EYA2: variants seen among roughly 807,000 people sequenced by gnomAD.
The protein encoded by EYA2 is protein phosphatase EYA2.
EYA2 carries 31 observed loss-of-function variants against 69.2 expected under a neutral mutation model. The observed-to-expected ratio is 0.45, with a 90% CI of 0.34 to 0.60. The LOEUF (loss-of-function observed/expected upper bound fraction) is 0.60, where lower values mean the gene tolerates loss of function less well. Ranked by LOEUF, EYA2 falls within the 20% of genes least tolerant of loss-of-function variation. EYA2 has a pLI of 0.02. For synonymous variants in EYA2, 257 were observed against 279.4 expected (o/e 0.92, Z 0.80); for missense variants, 622 against 701.2 (o/e 0.89, Z 1.28).
At chr20:47,141,413 T>C (rs1600738566) in intron 9 of EYA2, among the ~76,000 whole-genome samples, 1 of 152,222 alleles carries the variant, frequency 6.6e-6, no homozygotes, top group Non-Finnish European at 1.5e-5. Context: ...TCTGATTTTA[T>C]TGGTCTGGAG....
intron 5 of EYA2, among the ~76,000 whole-genome samples, chr20:47,028,788 G>A (rs78802481): frequency 0.024 from 3,685 of 152,330 alleles, 71 homozygotes; most frequent in Non-Finnish European, 0.039. Context: ...AGATCCAGAT[G>A]CCTCATGAGC....
At position 47,125,000 on chromosome 20, in the gene EYA2, C is replaced by G. The variant is rs868773175; in HGVS notation, c.889-18059C>G. 2.1e-5 allele frequency among the ~76,000 whole-genome samples: 3 copies of G among 145,162 alleles called. 1 individual carries two copies. In the South Asian group the frequency reaches 6.6e-4, roughly 32 times the overall value. ...TTCATCATTTGTCATGAGTTTGACT[C>G]TTGTGATTCAGCGATGATGGAATGT... On this transcript the variant is annotated intron_variant, in intron 9 of 15. Transcript: ENST00000327619.
At chr20:46,995,247 G>A (rs1031626872) in intron 2 of EYA2, among the ~76,000 whole-genome samples, 2 of 152,220 alleles carry the variant, frequency 1.3e-5, no homozygotes, top group African/African-American at 2.4e-5. Context: ...CATTTTAAAA[G>A]GATGACTTAA....
chr20:47,102,356 G>A (rs2032447493), intron 9 of EYA2, among the ~76,000 whole-genome samples: 1 of 152,208 alleles, frequency 6.6e-6, no homozygotes, highest in African/African-American at 2.4e-5. Context: ...TAGAGTGAGA[G>A]AGGGAGGATG....
chr20:46,908,164 G>A (rs1158667689), intron 1 of EYA2, among the ~76,000 whole-genome samples: 2 of 152,184 alleles, frequency 1.3e-5, no homozygotes, highest in Non-Finnish European at 1.5e-5. Flanking sequence ...TACTCTGGAC[G>A]TGGGGAATGC....
At chr20:47,055,473 G>T (rs1050853743) in intron 5 of EYA2, among the ~76,000 whole-genome samples, 1 of 152,084 alleles carries the variant, frequency 6.6e-6, no homozygotes, top group African/African-American at 2.4e-5. Context: ...TTTGTCTCTG[G>T]AGATTCCCAC....
chr20:46,967,452 CAGTGGAAATTAATCCAGTCAGGG>C (rs1330523914), intron 1 of EYA2, among the ~76,000 whole-genome samples: 1 of 152,170 alleles, frequency 6.6e-6, no homozygotes, highest in Non-Finnish European at 1.5e-5. Context: ...GTTCAGAGTG[CAGTGGAAATTAATCCAGTCAGGG>C]AGGATGGTGA....
chr20:47,110,112 A>G (rs3787252), intron 9 of EYA2, among the ~76,000 whole-genome samples: 98,406 of 152,052 alleles, frequency 0.65, 32,114 homozygotes, highest in Non-Finnish European at 0.66. Context: ...CCATGAATCT[A>G]TAAGGCCCAG....
intron 5 of EYA2, among the ~76,000 whole-genome samples, chr20:47,032,300 G>T (rs1238568615): frequency 6.6e-6 from 1 of 152,126 alleles, no homozygotes; most frequent in African/African-American, 2.4e-5. Context: ...CCTGATTTTT[G>T]TATTATTTCC....
chr20:47,010,017 A>G (rs141142546), intron 4 of EYA2, among the ~76,000 whole-genome samples: 14 of 152,298 alleles, frequency 9.2e-5, no homozygotes, highest in Non-Finnish European at 1.6e-4. Flanking sequence ...CCACTACTTG[A>G]TGGCACCATA....
At chr20:47,089,089 C>T in intron 7 of EYA2, 150 bp from the exon 8 acceptor site, 1 of 848,136 alleles carries the variant, frequency 1.2e-6, no homozygotes, top group Non-Finnish European at 1.8e-6. Context: ...AAGGGACTTC[C>T]AAGGGCAGTT....
At chr20:47,061,547 C>T (rs1313717143) in intron 5 of EYA2, among the ~76,000 whole-genome samples, 1 of 151,824 alleles carries the variant, frequency 6.6e-6, no homozygotes, top group Non-Finnish European at 1.5e-5. Flanking sequence ...AAAAAAAAAT[C>T]CCTCTTAATT....
At chr20:46,961,916 G>A (rs1236057595) in intron 1 of EYA2, among the ~76,000 whole-genome samples, 1 of 152,250 alleles carries the variant, frequency 6.6e-6, no homozygotes, top group African/African-American at 2.4e-5. Context: ...TGAAATTACA[G>A]CAAGAGAGGA....
intron 5 of EYA2, among the ~76,000 whole-genome samples, chr20:47,064,375 C>T (rs1361428200): frequency 1.3e-5 from 2 of 152,208 alleles, no homozygotes; most frequent in African/African-American, 4.8e-5. Context: ...TTTGTTTATC[C>T]GTTCAGCCGT....
intron 1 of EYA2, among the ~76,000 whole-genome samples, chr20:46,955,030 C>G (rs1317886273): frequency 1.3e-5 from 2 of 152,142 alleles, no homozygotes; most frequent in African/African-American, 4.8e-5. Context: ...AGTTGATTTC[C>G]TGGTGCTTGA....
At chr20:47,128,521 G>A (rs376115926) in intron 9 of EYA2, among the ~76,000 whole-genome samples, 3 of 150,594 alleles carry the variant, frequency 2.0e-5, no homozygotes, top group South Asian at 4.2e-4. Flanking sequence ...TACAAATCAG[G>A]CATTTACGAA....
intron 9 of EYA2, among the ~76,000 whole-genome samples, chr20:47,137,906 G>A (rs920358959): frequency 6.0e-5 from 9 of 151,190 alleles, no homozygotes; most frequent in African/African-American, 1.5e-4. Flanking sequence ...ACTAAACAGC[G>A]CGTATTCTCA....
chr20:47,055,520 C>G (rs1029105437), intron 5 of EYA2, among the ~76,000 whole-genome samples: 1 of 152,142 alleles, frequency 6.6e-6, no homozygotes, highest in East Asian at 1.9e-4. Flanking sequence ...TTGCTGCGAC[C>G]GCCTTACCTG....
intron 5 of EYA2, among the ~76,000 whole-genome samples, chr20:47,065,175 G>T (rs948634276): frequency 3.3e-5 from 5 of 152,102 alleles, no homozygotes; most frequent in African/African-American, 1.2e-4. Flanking sequence ...CCCATGACAC[G>T]TGGGAATTAT....
Sources: allele counts gnomAD v4.1 joint callset (sites outside exome capture counted in the v4.1 genomes callset), GRCh38; gene constraint gnomAD v4.1.1; transcripts MANE v1.5; gene names NCBI Gene and HGNC (gene_info 2026-07-23, HGNC 2026-07-21).